The following GPR108 variants were observed in gnomAD, a reference collection of about 807,000 sequenced individuals.
GPR108 encodes G protein-coupled receptor 108.
A neutral mutation model predicts 74.3 loss-of-function variants in GPR108; 60 were observed. That is an observed-to-expected ratio of 0.81 (90% CI 0.66 to 1.00). The LOEUF (loss-of-function observed/expected upper bound fraction) is 1.00. Among genes scored for constraint, GPR108 ranks in the 50% least tolerant of loss-of-function variants. The pLI, the probability that GPR108 is intolerant of heterozygous loss-of-function variation, is 0.00. For missense variants in GPR108, 667 were observed against 703.3 expected (o/e 0.95, Z 0.58); for synonymous variants, 311 against 292.4 (o/e 1.06, Z -0.65).
At chr19:6,735,408 C>G (rs957688496) in intron 4 of GPR108, 10 of 545,730 alleles carry the variant, frequency 1.8e-5, no homozygotes, top group Non-Finnish European at 2.9e-5. Flanking sequence ...TCACAACAAC[C>G]CTCTGTATCC....
chr19:6,737,063 A>C, intron 1 of GPR108: 1 of 388,250 alleles, frequency 2.6e-6, no homozygotes, highest in East Asian at 5.1e-5. Context: ...ATTTCAACAG[A>C]ACCCCCCAAA....
In GPR108 at chr19:6,732,470, ACT is replaced by A. The variant is rs1968454443; in HGVS notation, c.1007+4_1007+5del. ...CCAGCTGCCCAGCAGAGTGGGGGACACTCACAGGTGTGCGATGTAGTACATGA... is the reference window on the plus strand; with the variant it reads ...CCAGCTGCCCAGCAGAGTGGGGGACACACAGGTGTGCGATGTAGTACATGA... On this transcript the variant is annotated splice_donor_5th_base_variant and intron_variant, in intron 11 of 17. Coordinates refer to ENST00000264080, the MANE Select transcript of GPR108 (RefSeq NM_001080452.2). 6.2e-7 allele frequency: 1 copy of A among 1,613,458 alleles called. No individual in the cohort carries two copies. The highest frequency in any genetic ancestry group is 8.5e-7 in the Non-Finnish European group (1 of 1,179,824).
In GPR108 at chr19:6,732,033, G is replaced by T; in HGVS notation, c.1248C>A (p.Pro416=). The T allele has an allele frequency of 2.5e-6, 4 of 1,613,924 alleles. No homozygotes were observed. Among genetic ancestry groups the T allele is most frequent in the Non-Finnish European group, 3.4e-6 (4 of 1,179,992 alleles). Reference sequence around the variant, plus strand: ...GGGGGCAGGGTCCTCACCAGACTACGGGGAACAGGATGGCACCACAGCAGA... The same window carrying T: ...GGGGGCAGGGTCCTCACCAGACTACTGGGAACAGGATGGCACCACAGCAGA... ...DLICCGAILF[P]VVWSIRHLQD... is the part of the protein sequence containing the mutation. Residue 416 remains proline, a synonymous_variant, in exon 13 of 18, where the codon CCC becomes CCA. Transcript: ENST00000264080.
chr19:6,733,062 C>G lies in GPR108; in HGVS notation c.858G>C (p.Thr286=). ...GCCAGTGGATCTTGAAGACGCTGTACCTGGTGGGAGGGTCAGGGAGAGATG... is the reference window on the plus strand; with the variant it reads ...GCCAGTGGATCTTGAAGACGCTGTAGCTGGTGGGAGGGTCAGGGAGAGATG... ...IFWVSILCRN[T]YSVFKIHWLM... The change falls in exon 10 of 18, where the codon ACG becomes ACC. Residue 286 remains threonine (T), a splice_region_variant and synonymous_variant. Transcript: ENST00000264080. 1.2e-6 allele frequency: 2 copies of G among 1,613,644 alleles called. No individual in the cohort carries two copies. Among genetic ancestry groups the G allele is most frequent in the Non-Finnish European group, 1.7e-6 (2 of 1,179,840 alleles).
intron 10 of GPR108, 64 bp from the exon 11 acceptor site, chr19:6,732,613 TG>T: frequency 1.6e-6 from 2 of 1,263,876 alleles, no homozygotes; most frequent in African/African-American, 1.5e-5. Context: ...ATGGTGGTGG[TG>T]GGGGATTAGG....
chr19:6,736,050 T>G, intron 2 of GPR108, 92 bp from the exon 3 acceptor site: 4 of 1,117,950 alleles, frequency 3.6e-6, no homozygotes, highest in Non-Finnish European at 5.2e-6. Flanking sequence ...TAACCTCACA[T>G]TTACTGAACA....
intron 1 of GPR108, chr19:6,737,120 C>A: frequency 5.1e-6 from 2 of 392,014 alleles, no homozygotes; most frequent in South Asian, 6.4e-5. Flanking sequence ...CCCCAGGACC[C>A]CGCTGTGCGG....
At position 6,734,277 on chromosome 19, in the gene GPR108, C is replaced by T; in HGVS notation, c.405G>A (p.Lys135=). Residue 135 remains lysine (K), a synonymous_variant, in exon 5 of 18, where the codon AAG becomes AAA. Coordinates refer to ENST00000264080, the MANE Select transcript of GPR108 (RefSeq NM_001080452.2). ...GGAGCCCGGGAAAGATAAACAACGT[C>T]TTCTGCTCTCCATACTTCCGCACCT... ...QVQVRKYGEQ[K]TLFIFPGLLP... is the part of the protein sequence containing the mutation. 6.2e-7 allele frequency: 1 copy of T among 1,614,046 alleles called. No individual in the cohort carries two copies. The highest frequency in any genetic ancestry group is 1.1e-5 in the South Asian group (1 of 91,082).
At chr19:6,736,505 G>T in intron 2 of GPR108, 87 bp downstream of exon 2, 1 of 1,358,850 alleles carries the variant, frequency 7.4e-7, no homozygotes. Context: ...ACTTGTACAA[G>T]ATCACATGGG....
Position 6,730,026 on chromosome 19 carries a change from C to A in GPR108, c.*286G>T. 1 of 465,792 alleles carries A rather than the reference C, an allele frequency of 2.1e-6. No homozygotes were observed. Among genetic ancestry groups the A allele is most frequent in the Admixed American group, 3.6e-5 (1 of 27,822 alleles). The allele number at this position is 465,792 out of a possible 1,614,324, so 28.9% of individuals were successfully genotyped here. Reference sequence around the variant, plus strand: ...TGTAAACACAACCTCCGTGTAGACCCCAACCCCCAAAAAGGCAAGACAACG... The same window carrying A: ...TGTAAACACAACCTCCGTGTAGACCACAACCCCCAAAAAGGCAAGACAACG... On this transcript the variant is annotated 3_prime_UTR_variant, in exon 18 of 18. Transcript: ENST00000264080.
intron 1 of GPR108, 116 bp from the exon 2 acceptor site, chr19:6,736,827 G>T: frequency 7.1e-7 from 1 of 1,409,666 alleles, no homozygotes; most frequent in Non-Finnish European, 9.7e-7. Flanking sequence ...TTTAGGACAG[G>T]CCCAGAGGAT....
Position 6,733,352 on chromosome 19 carries a change from G to A in GPR108, c.724-51C>T, listed in dbSNP as rs368391263. On this transcript the variant is annotated intron_variant, in intron 8 of 17. Transcript: ENST00000264080. ...CGGCAGGGGCACAGCCCGACCGCTG[G>A]CCTGGGAGAGCAGCGAGTGGGGGTC... 4 of 1,574,446 alleles carry A rather than the reference G, an allele frequency of 2.5e-6. No individual in the cohort carries two copies. In the African/African-American group the frequency reaches 4.0e-5, roughly 16 times the overall value.
intron 13 of GPR108, 35 bp from the exon 14 acceptor site, chr19:6,731,969 G>A (rs756681102): frequency 6.2e-6 from 10 of 1,613,334 alleles, no homozygotes; most frequent in South Asian, 4.4e-5. Flanking sequence ...TACGGTCAGC[G>A]CGGACATCGC....
At position 6,737,519 on chromosome 19, in the gene GPR108, G is replaced by A. The variant is rs993747519; in HGVS notation, c.58C>T (p.Arg20Trp). The change falls in exon 1 of 18, where the codon CGG (arginine) becomes TGG (tryptophan). Residue 20 changes from arginine to tryptophan, a missense_variant. Coordinates refer to ENST00000264080, the MANE Select transcript of GPR108 (RefSeq NM_001080452.2). ...GRGSPAEWGQRLLLVLLLGGC... is the reference protein window; with the variant it reads ...GRGSPAEWGQWLLLVLLLGGC... ...CCCAGCAGCAGCACCAGAAGTAGCC[G>A]CTGCCCCCACTCCGCGGGGCTCCCG... 1.8e-5 allele frequency: 28 copies of A among 1,573,988 alleles called. No individual in the cohort carries two copies. Among genetic ancestry groups the A allele is most frequent in the Non-Finnish European group, 2.3e-5 (27 of 1,167,712 alleles).
chr19:6,730,630 C>G, intron 17 of GPR108: 1 of 576,058 alleles, frequency 1.7e-6, no homozygotes, highest in Admixed American at 3.0e-5. Context: ...TACCCGTAAC[C>G]ACTCAGGCCC....
intron 17 of GPR108, chr19:6,730,672 C>A (rs1280809964): frequency 1.8e-6 from 1 of 568,134 alleles, no homozygotes; most frequent in Non-Finnish European, 3.2e-6. Context: ...AGCCCAGGCC[C>A]CACCCGTTCT....
chr19:6,730,409 T>C (rs1392116020), intron 17 of GPR108, 25 bp from the exon 18 acceptor site: 1 of 1,605,570 alleles, frequency 6.2e-7, no homozygotes, highest in East Asian at 2.2e-5. Context: ...CGAGGAGGCG[T>C]CTAGCGTTGC....
intron 9 of GPR108, 44 bp from the exon 10 acceptor site, chr19:6,733,106 A>G: frequency 6.2e-7 from 1 of 1,613,606 alleles, no homozygotes. Flanking sequence ...GGGCATCAGC[A>G]GAGCATAGGG....
At chr19:6,732,657 G>A in intron 10 of GPR108, 108 bp from the exon 11 acceptor site, 1 of 872,266 alleles carries the variant, frequency 1.1e-6, no homozygotes, top group Non-Finnish European at 1.9e-6. Flanking sequence ...TGGGTGGTCA[G>A]AAAGTTGAAT....
Sources: gnomAD v4.1 joint callset for allele counts on GRCh38, gnomAD v4.1.1 for gene constraint, MANE v1.5 for transcripts, NCBI Gene and HGNC (gene_info 2026-07-23, HGNC 2026-07-21) for gene names.